Variants in CLK1 observed in about 807,000 individuals in gnomAD.
CLK1 encodes dual specificity protein kinase CLK1.
In CLK1, 40 loss-of-function variants were observed where a neutral mutation model predicts 60.9. The observed-to-expected ratio is 0.66, with a 90% CI of 0.51 to 0.86. The LOEUF (loss-of-function observed/expected upper bound fraction) is 0.86. Among genes scored for constraint, CLK1 ranks in the 40% least tolerant of loss-of-function variants. CLK1 has a pLI of 0.00. For synonymous variants in CLK1, 203 were observed against 184.4 expected, an observed-to-expected ratio of 1.10 and a Z score of -0.82; for missense variants, 563 against 606.1, an observed-to-expected ratio of 0.93 and a Z score of 0.75.
chr2:200,853,871 T>C (rs1320797423), intron 12 of CLK1, 32 bp downstream of exon 12: 1 of 1,514,950 alleles, frequency 6.6e-7, no homozygotes, highest in Non-Finnish European at 9.1e-7. Flanking sequence ...AAACTCAGTT[T>C]TGACTATTTG....
intron 7 of CLK1, chr2:200,857,398 C>G: frequency 3.7e-6 from 1 of 267,282 alleles, no homozygotes; most frequent in South Asian, 7.8e-5. Flanking sequence ...GTAACTAAAA[C>G]TTACTACCTC....
intron 1 of CLK1, among the ~76,000 whole-genome samples, chr2:200,863,520 T>C (rs891352280): frequency 1.3e-4 from 20 of 151,872 alleles, no homozygotes; most frequent in Non-Finnish European, 1.0e-4. Flanking sequence ...TTGCGCCACT[T>C]GCACTCCGGC....
At chr2:200,864,194 C>G (rs1415479392) in intron 1 of CLK1, 1 of 1,550,738 alleles carries the variant, frequency 6.4e-7, no homozygotes. Flanking sequence ...TTTCCGGCCA[C>G]AGGGCCGAAG....
intron 12 of CLK1, 46 bp downstream of exon 12, chr2:200,853,857 G>A (rs1374620564): frequency 6.9e-7 from 1 of 1,446,858 alleles, no homozygotes; most frequent in South Asian, 1.2e-5. Flanking sequence ...AAGACAAACA[G>A]AAGAAACTCA....
chr2:200,857,943 C>G (rs999978964), intron 6 of CLK1, 30 bp downstream of exon 6: 12 of 1,610,684 alleles, frequency 7.5e-6, no homozygotes, highest in Admixed American at 3.3e-5. Context: ...ATACCTGATA[C>G]CACTTCCCAA....
intron 4 of CLK1, 29 bp downstream of exon 4, chr2:200,860,096 G>C (rs780548511): frequency 6.2e-7 from 1 of 1,606,878 alleles, no homozygotes; most frequent in Non-Finnish European, 8.5e-7. Context: ...TATCTGAAAA[G>C]TTAATAAGTG....
In CLK1 at chr2:200,853,151, G is replaced by C. The variant is rs1575073813; in HGVS notation, c.*155C>G. 3 of 533,308 alleles carry C rather than the reference G, an allele frequency of 5.6e-6. No homozygotes were observed. The highest frequency in any genetic ancestry group is 3.9e-5 in the African/African-American group (2 of 51,484). 33.0% of individuals were successfully genotyped at this position (533,308 alleles called of 1,614,324 possible). A position where few individuals can be genotyped will look rare whatever the true frequency, so the allele number is the denominator to read the frequency against. On this transcript the variant is annotated 3_prime_UTR_variant, in exon 13 of 13. Coordinates refer to ENST00000321356, the MANE Select transcript of CLK1 (RefSeq NM_004071.4). ...ACTGAAAAAGATGTTCATTACCTTA[G>C]CTATGTACTTAATGAACCAAATTAC...
chr2:200,854,019 T>C (rs1271514873), intron 11 of CLK1, 26 bp from the exon 12 acceptor site: 4 of 1,510,984 alleles, frequency 2.6e-6, no homozygotes, highest in Admixed American at 1.7e-5. Context: ...TATCCATTCA[T>C]GTTTATAACA....
chr2:200,861,611 G>A (rs1475599030), intron 2 of CLK1, 91 bp downstream of exon 2: 5 of 1,560,124 alleles, frequency 3.2e-6, no homozygotes, highest in Non-Finnish European at 4.3e-6. Flanking sequence ...GGAAACAAAC[G>A]AATGGTAGTA....
intron 3 of CLK1, 52 bp from the exon 4 acceptor site, chr2:200,860,267 C>A: frequency 2.5e-6 from 4 of 1,611,636 alleles, no homozygotes; most frequent in Non-Finnish European, 3.4e-6. Flanking sequence ...TCAATATACC[C>A]GAGTGAATTC....
intron 4 of CLK1, 181 bp downstream of exon 4, chr2:200,859,944 T>C (rs1010621432): frequency 9.8e-6 from 14 of 1,433,142 alleles, no homozygotes; most frequent in African/African-American, 1.4e-5. Flanking sequence ...GGAAGTTCTA[T>C]ATAACAAACA....
chr2:200,856,828 A>C lies in CLK1; in HGVS notation c.928-17T>G. On this transcript the variant is annotated splice_polypyrimidine_tract_variant and intron_variant, in intron 8 of 12. Transcript: ENST00000321356. ...ATCACGTTTCTGAAAATCATAAATG[A>C]TGGTTAAGAAGGCATAAGCTATTAA... 1 of 1,612,074 alleles carries C rather than the reference A, an allele frequency of 6.2e-7. No homozygotes were observed. Among genetic ancestry groups the C allele is most frequent in the Non-Finnish European group, 8.5e-7 (1 of 1,178,812 alleles).
chr2:200,861,536 G>A, intron 2 of CLK1, 70 bp from the exon 3 acceptor site: 2 of 1,574,540 alleles, frequency 1.3e-6, no homozygotes, highest in Non-Finnish European at 1.7e-6. Context: ...CTTCAAGACA[G>A]CACCTAGACT....
chr2:200,854,280 A>G (rs949748776), intron 11 of CLK1: 1 of 347,378 alleles, frequency 2.9e-6, no homozygotes, highest in Non-Finnish European at 5.2e-6. Flanking sequence ...TCACGCCTGT[A>G]ATCTCAGCAC....
At chr2:200,864,069 C>A in intron 1 of CLK1, 1 of 1,542,036 alleles carries the variant, frequency 6.5e-7, no homozygotes, top group Admixed American at 2.0e-5. Flanking sequence ...TTAACTGTAA[C>A]CCCTACGGGT....
At chr2:200,859,645 C>T in intron 5 of CLK1, 35 bp downstream of exon 5, 1 of 1,581,146 alleles carries the variant, frequency 6.3e-7, no homozygotes. Context: ...GTATTGCCAA[C>T]TTCCCTAAAA....
chr2:200,853,714 G>A (rs930191629), intron 12 of CLK1, among the ~76,000 whole-genome samples, 189 bp downstream of exon 12: 3 of 145,960 alleles, frequency 2.1e-5, no homozygotes, highest in Non-Finnish European at 4.5e-5. Context: ...AAGCGTGGTG[G>A]CATCCATCTG....
At chr2:200,858,272 C>T (rs2039076268) in intron 5 of CLK1, 183 bp from the exon 6 acceptor site, 2 of 593,412 alleles carry the variant, frequency 3.4e-6, no homozygotes, top group African/African-American at 1.9e-5. Flanking sequence ...CCACCACTCA[C>T]ATGAGTTATT....
chr2:200,862,848 G>C (rs922725007), intron 1 of CLK1, among the ~76,000 whole-genome samples: 3 of 152,194 alleles, frequency 2.0e-5, no homozygotes, highest in African/African-American at 7.2e-5. Flanking sequence ...ACGGACAAAT[G>C]AAACTACCAA....
Sources: allele counts gnomAD v4.1 joint callset (sites outside exome capture counted in the v4.1 genomes callset), GRCh38; gene constraint gnomAD v4.1.1; transcripts MANE v1.5; gene names NCBI Gene and HGNC (gene_info 2026-07-23, HGNC 2026-07-21).